Variants in NBAS observed in about 807,000 individuals in gnomAD.
The protein encoded by NBAS is NBAS subunit of NRZ tethering complex.
In NBAS, 219 loss-of-function variants were observed where a neutral mutation model predicts 302.5. The observed-to-expected ratio is 0.72, with a 90% CI of 0.65 to 0.81. NBAS has a LOEUF of 0.81. NBAS is among the 30% of genes least tolerant of loss of function. The pLI is 0.00. For missense variants in NBAS, 2,932 were observed against 2,841.6 expected, an observed-to-expected ratio of 1.03 and a Z score of -0.72; for synonymous variants, 1,118 against 1,021.6, an observed-to-expected ratio of 1.09 and a Z score of -1.80.
At chr2:15,500,795 G>T (rs1185085204) in intron 11 of NBAS, among the ~76,000 whole-genome samples, 1 of 151,674 alleles carries the variant, frequency 6.6e-6, no homozygotes, top group Non-Finnish European at 1.5e-5. Flanking sequence ...GTGGGGGCGG[G>T]TACCTGTAGT....
intron 23 of NBAS, among the ~76,000 whole-genome samples, chr2:15,420,282 A>T (rs1469777914): frequency 6.6e-6 from 1 of 152,210 alleles, no homozygotes; most frequent in African/African-American, 2.4e-5. Flanking sequence ...AAAAGCAACG[A>T]TGTTAAACTA....
intron 1 of NBAS, among the ~76,000 whole-genome samples, chr2:15,558,935 G>A (rs543156600): frequency 1.7e-4 from 26 of 151,806 alleles, no homozygotes; most frequent in Non-Finnish European, 2.2e-4. Context: ...CAGGCATGGC[G>A]GTGCATGCCT....
the NBAS span, among the ~76,000 whole-genome samples, chr2:14,784,631 A>G: frequency 6.6e-6 from 1 of 152,086 alleles, no homozygotes; most frequent in Non-Finnish European, 1.5e-5. Flanking sequence ...ATAGTTGTAG[A>G]TATGCGGCGT....
At chr2:14,916,017 T>A in the NBAS span, among the ~76,000 whole-genome samples, 1 of 152,166 alleles carries the variant, frequency 6.6e-6, no homozygotes, top group African/African-American at 2.4e-5. Context: ...CTTTCTTTTG[T>A]AAATTGCCCA....
the NBAS span, among the ~76,000 whole-genome samples, chr2:14,792,266 T>C: frequency 4.6e-5 from 7 of 152,216 alleles, no homozygotes; most frequent in Non-Finnish European, 2.9e-5. Context: ...TATGTTAAGT[T>C]GAAAATATCA....
the NBAS span, among the ~76,000 whole-genome samples, chr2:14,960,099 C>T: frequency 6.6e-6 from 1 of 152,144 alleles, no homozygotes; most frequent in Admixed American, 6.6e-5. Context: ...TTTAGGTCAT[C>T]ATCTGCCATA....
At chr2:15,417,901 T>C (rs1432725441) in intron 23 of NBAS, among the ~76,000 whole-genome samples, 189 bp from the exon 24 acceptor site, 1 of 152,174 alleles carries the variant, frequency 6.6e-6, no homozygotes, top group East Asian at 1.9e-4. Flanking sequence ...CATCAAACTG[T>C]TTCAAAGGAA....
the NBAS span, among the ~76,000 whole-genome samples, chr2:14,970,988 G>A: frequency 6.6e-6 from 1 of 152,160 alleles, no homozygotes; most frequent in Non-Finnish European, 1.5e-5. Context: ...GAATCTCTGG[G>A]AAGAATTATG....
intron 44 of NBAS, among the ~76,000 whole-genome samples, chr2:15,251,309 G>A (rs759983528): frequency 7.2e-5 from 11 of 152,158 alleles, no homozygotes; most frequent in African/African-American, 1.7e-4. Context: ...GCCTGTCGGC[G>A]GGTGGGGAGC....
chr2:15,461,529 C>G (rs1295411101), intron 20 of NBAS, among the ~76,000 whole-genome samples, 158 bp downstream of exon 20: 2 of 151,920 alleles, frequency 1.3e-5, no homozygotes, highest in Non-Finnish European at 2.9e-5. Context: ...TTTTAAAACT[C>G]AGAATGATGG....
the NBAS span, among the ~76,000 whole-genome samples, chr2:14,983,382 C>G: frequency 6.6e-6 from 1 of 152,184 alleles, no homozygotes; most frequent in Non-Finnish European, 1.5e-5. Flanking sequence ...GCAAGCCTTT[C>G]TCATATTCTC....
the NBAS span, among the ~76,000 whole-genome samples, chr2:15,065,723 T>G: frequency 9.2e-6 from 1 of 109,160 alleles, no homozygotes; most frequent in Admixed American, 1.0e-4. Context: ...TACAACACAT[T>G]GATTTAAAAA....
At chr2:14,867,215 A>G in the NBAS span, among the ~76,000 whole-genome samples, 1 of 152,226 alleles carries the variant, frequency 6.6e-6, no homozygotes, top group Non-Finnish European at 1.5e-5. Context: ...CCAGGAGTCA[A>G]TAAAATCTGC....
chr2:15,455,764 A>G (rs929017137), intron 21 of NBAS, among the ~76,000 whole-genome samples: 3 of 150,882 alleles, frequency 2.0e-5, no homozygotes, highest in African/African-American at 7.3e-5. Flanking sequence ...GCAACTAGAT[A>G]GTCAATGCTC....
At chr2:15,180,485 A>T (rs1052432864) in intron 50 of NBAS, 1 of 152,290 alleles carries the variant, frequency 6.6e-6, no homozygotes, top group Non-Finnish European at 1.5e-5. Flanking sequence ...TTCATCCGGG[A>T]TGCCGAAACC....
chr2:14,804,393 C>T, the NBAS span, among the ~76,000 whole-genome samples: 1 of 152,184 alleles, frequency 6.6e-6, no homozygotes, highest in Non-Finnish European at 1.5e-5. Context: ...ATGGAGAAAA[C>T]ACATGTGCTA....
Position 15,474,019 on chromosome 2 carries a change from A to G in NBAS, c.1599+48T>C, listed in dbSNP as rs775576349. The G allele has an allele frequency of 5.8e-5, 94 of 1,610,060 alleles. 2 individuals carry two copies. In the East Asian group the frequency reaches 2.1e-3, roughly 35 times the overall value. On this transcript the variant is annotated intron_variant, in intron 15 of 51. Coordinates refer to ENST00000281513, the MANE Select transcript of NBAS (RefSeq NM_015909.4). ...AAAATTAACTTTTTCTCAATAAAAGAAAAGCTTGATGACTTCAAACTTGGG... is the reference window on the plus strand; with the variant it reads ...AAAATTAACTTTTTCTCAATAAAAGGAAAGCTTGATGACTTCAAACTTGGG...
rs987121095 is a variant in NBAS at position 15,441,280 on chromosome 2, G to A, written c.2340-13486C>T. 6.8e-4 allele frequency among the ~76,000 whole-genome samples: 104 copies of A among 152,282 alleles called. No homozygotes were observed. The Middle Eastern group carries it at 0.014, about 20-fold the overall frequency. ...AGAAAGGTCGGGTTACCCACAAAGG[G>A]AAGCCCATCAGACTAACAGCGGATC... On this transcript the variant is annotated intron_variant, in intron 21 of 51. Transcript: ENST00000281513.
In NBAS at chr2:15,193,424, A is replaced by AT. The variant is rs560672375; in HGVS notation, c.6433-3022dup. Among the ~76,000 whole-genome samples the AT allele has an allele frequency of 2.0e-5, 3 of 152,310 alleles. No homozygotes were observed. In the South Asian group the frequency reaches 6.2e-4, roughly 32 times the overall value. ...ATGAGAGAAGAAAATTGGCCTAAAA[A>AT]TGGACTTCAGCACATATTTTTAAAA... On this transcript the variant is annotated intron_variant, in intron 48 of 51. Transcript: ENST00000281513.
Sources: gnomAD v4.1 joint callset for allele counts (sites outside exome capture counted in the v4.1 genomes callset) on GRCh38, gnomAD v4.1.1 for gene constraint, MANE v1.5 for transcripts, NCBI Gene and HGNC (gene_info 2026-07-23, HGNC 2026-07-21) for gene names.